CELF2: variants seen among roughly 807,000 people sequenced by gnomAD.
CELF2 encodes the protein CUGBP Elav-like family member 2, also known as CUG triplet repeat RNA-binding protein 2.
A neutral mutation model predicts 62.6 loss-of-function variants in CELF2; 8 were observed. The observed-to-expected ratio is 0.13, with a 90% CI of 0.07 to 0.23. The LOEUF (loss-of-function observed/expected upper bound fraction) is 0.23. Ranked by LOEUF, CELF2 falls within the 10% of genes least tolerant of loss-of-function variation. The probability of loss-of-function intolerance (pLI) is 1.00; values close to 1 mark genes in which losing one functional copy is unlikely to be tolerated. For synonymous variants in CELF2, 258 were observed against 250.0 expected, an observed-to-expected ratio of 1.03 and a Z score of -0.30; for missense variants, 333 against 671.0, an observed-to-expected ratio of 0.50 and a Z score of 5.56.
At chr10:10,839,354 A>G (rs1157893341) in intron 1 of CELF2, among the ~76,000 whole-genome samples, 2 of 152,196 alleles carry the variant, frequency 1.3e-5, no homozygotes, top group Non-Finnish European at 2.9e-5. Context: ...TGATGTCTTC[A>G]GCTCTATTCC....
At position 10,936,572 on chromosome 10, in the gene CELF2, C is replaced by T. The variant is rs1383719707; in HGVS notation, c.89+16573C>T. 1 of 152,216 alleles carries T rather than the reference C, an allele frequency of 6.6e-6. No individual in the cohort carries two copies. The highest frequency in any genetic ancestry group is 1.5e-5 in the Non-Finnish European group (1 of 68,062). The allele number at this position is 152,216 out of a possible 1,614,324, so 9.4% of individuals were successfully genotyped here. On this transcript the variant is annotated intron_variant, in intron 2 of 13. Transcript: ENST00000636488. This position sits in a 1 kb window ranked among gnomAD's most constrained non-coding sequence, Gnocchi z 4.0. ...TCCAGTTATCATTGCAGGGCCTGTT[C>T]TTGGGGCAGAAGAGTCAGGAACCCT... is the stretch of plus-strand genomic sequence containing the variant.
chr10:11,196,642 C>T, intron 2 of CELF2, among the ~76,000 whole-genome samples: 1 of 150,034 alleles, frequency 6.7e-6, no homozygotes, highest in Non-Finnish European at 1.5e-5. Context: ...GCAAGACCCT[C>T]TCTCTTTAAA....
chr10:10,691,235 C>A, the CELF2 span, among the ~76,000 whole-genome samples: 9 of 151,808 alleles, frequency 5.9e-5, no homozygotes, highest in Admixed American at 4.6e-4. Context: ...CAATTCCCAC[C>A]TATGAGTGAG....
intron 3 of CELF2, among the ~76,000 whole-genome samples, chr10:11,219,809 T>G: frequency 6.6e-6 from 1 of 152,192 alleles, no homozygotes; most frequent in East Asian, 1.9e-4. Flanking sequence ...TATTACAGGG[T>G]GCCTTGCGGT....
intron 4 of CELF2, among the ~76,000 whole-genome samples, chr10:11,251,615 G>T (rs1426379786): frequency 6.6e-6 from 1 of 152,094 alleles, no homozygotes. Context: ...GATTTGACCC[G>T]ACTCCACGCT....
intron 1 of CELF2, among the ~76,000 whole-genome samples, chr10:11,023,431 T>A (rs1392823150): frequency 2.0e-5 from 3 of 152,234 alleles, no homozygotes; most frequent in Admixed American, 1.3e-4. Flanking sequence ...CAAAAACTAA[T>A]TAGAGCAGCA....
At chr10:10,578,630 A>G in the CELF2 span, among the ~76,000 whole-genome samples, 1 of 152,136 alleles carries the variant, frequency 6.6e-6, no homozygotes, top group Admixed American at 6.6e-5. Flanking sequence ...AAGTGGGAAA[A>G]GGACCATGCA....
intron 8 of CELF2, among the ~76,000 whole-genome samples, chr10:11,279,893 C>T (rs371682046): frequency 8.2e-4 from 125 of 152,272 alleles, no homozygotes; most frequent in African/African-American, 2.8e-3. Context: ...CTTAGCCCAT[C>T]GTTGAGTTCC....
intron 2 of CELF2, chr10:10,946,808 T>A (rs1289101894): frequency 2.0e-5 from 3 of 152,216 alleles, no homozygotes; most frequent in Non-Finnish European, 1.5e-5. Flanking sequence ...AACTAGGACC[T>A]CATGTGCTTG....
intron 2 of CELF2, among the ~76,000 whole-genome samples, chr10:10,941,872 T>A (rs903361284): frequency 1.3e-4 from 19 of 151,632 alleles, no homozygotes; most frequent in Admixed American, 1.3e-3. Flanking sequence ...CAGGTGCCTG[T>A]AATCCCAGCC....
Position 11,046,979 on chromosome 10 carries a change from C to T in CELF2, c.74+28816C>T, listed in dbSNP as rs939038235. ...ATATTGTCAGACCCATTGTTTATTT[C>T]GCTCACATTTTCCTAGGTCTGAGCG... On this transcript the variant is annotated intron_variant, in intron 1 of 12. Transcript: ENST00000633077. The surrounding 1 kb of genome is among the most constrained non-coding windows in gnomAD (Gnocchi z 4.6). Among the ~76,000 whole-genome samples, 4 of 151,910 alleles carry T rather than the reference C, an allele frequency of 2.6e-5. No individual in the cohort carries two copies. Among genetic ancestry groups the T allele is most frequent in the African/African-American group, 7.3e-5 (3 of 41,314 alleles).
intron 1 of CELF2, among the ~76,000 whole-genome samples, chr10:10,838,103 G>A (rs1437396348): frequency 6.6e-6 from 1 of 152,126 alleles, no homozygotes; most frequent in Non-Finnish European, 1.5e-5. Flanking sequence ...TCTTGGTTGG[G>A]ACAGTTGCTT....
intron 1 of CELF2, among the ~76,000 whole-genome samples, chr10:10,907,765 G>C (rs2063465246): frequency 6.6e-6 from 1 of 152,088 alleles, no homozygotes; most frequent in African/African-American, 2.4e-5. Context: ...ACAGAAAAAA[G>C]ACGTATTGGA....
the CELF2 span, among the ~76,000 whole-genome samples, chr10:10,690,418 G>A: frequency 1.3e-5 from 2 of 152,164 alleles, no homozygotes; most frequent in African/African-American, 4.8e-5. Flanking sequence ...GTATGTGTGT[G>A]TATGCACACA....
At chr10:11,312,574 T>C (rs1198042020) in intron 9 of CELF2, among the ~76,000 whole-genome samples, 1 of 152,224 alleles carries the variant, frequency 6.6e-6, no homozygotes, top group African/African-American at 2.4e-5. Flanking sequence ...AAAGTTTTTA[T>C]GACCATATAT....
At position 11,328,235 on chromosome 10, in the gene CELF2, A is replaced by G. The variant is rs1455804787; in HGVS notation, c.1439-691A>G. 1.3e-5 allele frequency among the ~76,000 whole-genome samples: 2 copies of G among 152,128 alleles called. No individual in the cohort carries two copies. The highest frequency in any genetic ancestry group is 6.5e-5 in the Admixed American group (1 of 15,272). ...ATTTCCTTTCTGCTGAATTTACTGG[A>G]GCTTTGGAAATGGAAAGTGAGATAA... On this transcript the variant is annotated intron_variant, in intron 12 of 12. Transcript: ENST00000633077. The surrounding 1 kb of genome is among the most constrained non-coding windows in gnomAD (Gnocchi z 6.4).
chr10:10,467,158 A>G, the CELF2 span, among the ~76,000 whole-genome samples: 6 of 152,196 alleles, frequency 3.9e-5, no homozygotes, highest in Non-Finnish European at 7.4e-5. Flanking sequence ...TTGTGTGGAC[A>G]AAGTGGAAAT....
At chr10:10,706,375 G>A in the CELF2 span, among the ~76,000 whole-genome samples, 1 of 152,170 alleles carries the variant, frequency 6.6e-6, no homozygotes, top group East Asian at 1.9e-4. Flanking sequence ...CAGTGGTGCA[G>A]GGGAAGTTTG....
intron 2 of CELF2, among the ~76,000 whole-genome samples, chr10:10,959,260 A>G (rs2049226515): frequency 6.6e-6 from 1 of 152,188 alleles, no homozygotes. Context: ...CAGCCTGGAC[A>G]ACAGAGTGAG....
Sources: allele counts gnomAD v4.1 joint callset (sites outside exome capture counted in the v4.1 genomes callset), GRCh38; gene constraint gnomAD v4.1.1; non-coding constraint Gnocchi (gnomAD v3.1); transcripts MANE v1.5; gene names NCBI Gene and HGNC (gene_info 2026-07-23, HGNC 2026-07-21).